Variants in SLC22A3 observed in about 807,000 individuals in gnomAD.
The protein encoded by SLC22A3 is solute carrier family 22 member 3, also known as EMT organic cation transporter 3.
In SLC22A3, 51 loss-of-function variants were observed where a neutral mutation model predicts 59.1. The observed-to-expected ratio is 0.86, with a 90% CI of 0.69 to 1.09. SLC22A3 has a LOEUF of 1.09. Ranked by LOEUF, SLC22A3 falls within the 50% of genes least tolerant of loss-of-function variation. The probability of loss-of-function intolerance (pLI) is 0.00; values close to 1 mark genes in which losing one functional copy is unlikely to be tolerated. For missense variants in SLC22A3, 711 were observed against 726.3 expected (o/e 0.98, Z 0.24); for synonymous variants, 325 against 292.0 (o/e 1.11, Z -1.15).
At chr6:160,438,729 T>TAATGACCCCAGA (rs1788439735) in intron 7 of SLC22A3, among the ~76,000 whole-genome samples, 1 of 152,158 alleles carries the variant, frequency 6.6e-6, no homozygotes, top group South Asian at 2.1e-4. Flanking sequence ...AGGGCTGCTG[T>TAATGACCCCAGA]AATAAGTACC....
chr6:160,449,236 T>G (rs1380261735), intron 10 of SLC22A3, among the ~76,000 whole-genome samples: 2 of 152,276 alleles, frequency 1.3e-5, no homozygotes, highest in East Asian at 3.9e-4. Context: ...TTGTTTGTTT[T>G]TGGCTTGGGG....
At chr6:160,388,793 A>C (rs1786126214) in intron 1 of SLC22A3, among the ~76,000 whole-genome samples, 1 of 152,220 alleles carries the variant, frequency 6.6e-6, no homozygotes, top group Non-Finnish European at 1.5e-5. Context: ...TTAAGAAGCT[A>C]ACAGCAATTA....
chr6:160,418,177 A>G (rs770812755), intron 5 of SLC22A3, among the ~76,000 whole-genome samples: 5 of 152,188 alleles, frequency 3.3e-5, no homozygotes, highest in Non-Finnish European at 7.3e-5. Flanking sequence ...GGTGAGCACC[A>G]TCCAGTTGGC....
intron 5 of SLC22A3, among the ~76,000 whole-genome samples, chr6:160,419,782 T>C (rs550156099): frequency 1.4e-4 from 21 of 152,320 alleles, no homozygotes; most frequent in African/African-American, 5.1e-4. Flanking sequence ...ACACTCACTT[T>C]GACTTAGAAT....
intron 1 of SLC22A3, among the ~76,000 whole-genome samples, chr6:160,368,967 C>T (rs189555045): frequency 6.6e-6 from 1 of 152,192 alleles, no homozygotes; most frequent in African/African-American, 2.4e-5. Flanking sequence ...GCTTCTGATT[C>T]ACCCATACTT....
chr6:160,356,603 G>A lies in SLC22A3; in HGVS notation c.429+7755G>A, dbSNP rs968375236. The stretch of plus-strand genomic sequence containing the variant: ...GGCTGAGCAGCTCCCAGGGTGCAGC[G>A]CTGTCCCCTTCATGGCTATGGAGTG... On this transcript the variant is annotated intron_variant, in intron 1 of 10. Transcript: ENST00000275300. Among the ~76,000 whole-genome samples, 7 of 152,180 alleles carry A rather than the reference G, an allele frequency of 4.6e-5. No homozygotes were observed. In the South Asian group the frequency reaches 1.2e-3, roughly 27 times the overall value.
intron 5 of SLC22A3, among the ~76,000 whole-genome samples, chr6:160,432,893 G>A (rs1788204990): frequency 6.6e-6 from 1 of 152,124 alleles, no homozygotes; most frequent in Non-Finnish European, 1.5e-5. Flanking sequence ...CTTGGGTAAG[G>A]TACATAGCTT....
chr6:160,363,833 A>T (rs770546639), intron 1 of SLC22A3, among the ~76,000 whole-genome samples: 2 of 151,700 alleles, frequency 1.3e-5, no homozygotes, highest in African/African-American at 4.8e-5. Context: ...TTTTTCCTTG[A>T]TGACTGTTCA....
intron 1 of SLC22A3, among the ~76,000 whole-genome samples, chr6:160,370,083 A>G (rs1029803785): frequency 6.6e-6 from 1 of 152,220 alleles, no homozygotes; most frequent in African/African-American, 2.4e-5. Context: ...GACGTCTTAC[A>G]AAGTGGTTCA....
chr6:160,399,550 G>C (rs1786671705), intron 2 of SLC22A3, among the ~76,000 whole-genome samples: 1 of 152,150 alleles, frequency 6.6e-6, no homozygotes, highest in Admixed American at 6.5e-5. Flanking sequence ...TTGGAGGGGA[G>C]GGGCCAGACC....
chr6:160,434,780 C>T (rs1788276170), intron 5 of SLC22A3, among the ~76,000 whole-genome samples: 1 of 152,146 alleles, frequency 6.6e-6, no homozygotes, highest in Non-Finnish European at 1.5e-5. Context: ...AAGGTTAGCT[C>T]AGGGGTCATC....
chr6:160,450,285 G>C (rs1042072989), intron 10 of SLC22A3, among the ~76,000 whole-genome samples: 2 of 152,122 alleles, frequency 1.3e-5, no homozygotes, highest in Admixed American at 1.3e-4. Flanking sequence ...AATATTCCTT[G>C]CTAGGAAAAG....
intron 5 of SLC22A3, among the ~76,000 whole-genome samples, chr6:160,433,274 C>T (rs1788220072): frequency 6.6e-6 from 1 of 152,076 alleles, no homozygotes; most frequent in African/African-American, 2.4e-5. Flanking sequence ...TGGAGATCTG[C>T]CAGAGAAAGG....
At chr6:160,418,652 G>T (rs1437446762) in intron 5 of SLC22A3, among the ~76,000 whole-genome samples, 4 of 152,180 alleles carry the variant, frequency 2.6e-5, no homozygotes. Flanking sequence ...GGTAGTAACT[G>T]TGGCAGCAGT....
At chr6:160,423,136 G>C (rs1787812601) in intron 5 of SLC22A3, among the ~76,000 whole-genome samples, 1 of 152,110 alleles carries the variant, frequency 6.6e-6, no homozygotes, top group African/African-American at 2.4e-5. Context: ...CCAGCTTCAT[G>C]CATGTCCCTA....
Position 160,408,893 on chromosome 6 carries a change from C to A in SLC22A3, c.829C>A (p.Pro277Thr), listed in dbSNP as rs1164711053. The change falls in exon 4 of 11, where the codon CCC becomes ACC. Residue 277 changes from proline to threonine, a missense_variant. By Grantham distance (38) the Pro-to-Thr change is conservative. Coordinates refer to ENST00000275300, the MANE Select transcript of SLC22A3 (RefSeq NM_021977.4). ...AGGAATCCAGTTAGCCATCACGCTG[C>A]CCAGCTTTCTCTTCCTCCTTTATTA... is the stretch of plus-strand genomic sequence containing the variant. ...WQGIQLAITLPSFLFLLYYWV... is the reference protein window; with the variant it reads ...WQGIQLAITLTSFLFLLYYWV... 6.2e-7 allele frequency: 1 copy of A among 1,613,758 alleles called. No individual in the cohort carries two copies. Among genetic ancestry groups the A allele is most frequent in the Non-Finnish European group, 8.5e-7 (1 of 1,179,848 alleles).
At chr6:160,367,441 GT>G (rs1417279859) in intron 1 of SLC22A3, among the ~76,000 whole-genome samples, 1 of 152,114 alleles carries the variant, frequency 6.6e-6, no homozygotes, top group Non-Finnish European at 1.5e-5. Flanking sequence ...ATATCACGTG[GT>G]TTCTTTTACT....
At chr6:160,402,495 A>G (rs139264878) in intron 2 of SLC22A3, among the ~76,000 whole-genome samples, 3 of 152,014 alleles carry the variant, frequency 2.0e-5, no homozygotes, top group East Asian at 1.9e-4. Flanking sequence ...TAAAAAACCT[A>G]TAAAGATATA....
At chr6:160,428,079 AC>A in intron 5 of SLC22A3, among the ~76,000 whole-genome samples, 2 of 72,738 alleles carry the variant, frequency 2.7e-5, no homozygotes, top group African/African-American at 5.1e-5. Context: ...TCCCTTCCCC[AC>A]CCCCCCACCC....
Sources: allele counts gnomAD v4.1 joint callset (sites outside exome capture counted in the v4.1 genomes callset), GRCh38; gene constraint gnomAD v4.1.1; transcripts MANE v1.5; gene names NCBI Gene and HGNC (gene_info 2026-07-23, HGNC 2026-07-21).